The following AGPAT3 variants were observed in gnomAD, a reference collection of about 807,000 sequenced individuals.
AGPAT3 encodes 1-acylglycerol-3-phosphate O-acyltransferase 3, also known as 1-acyl-sn-glycerol-3-phosphate acyltransferase gamma.
A neutral mutation model predicts 47.3 loss-of-function variants in AGPAT3; 5 were observed. That is an observed-to-expected ratio of 0.11 (90% CI 0.06 to 0.22). The LOEUF is 0.22. AGPAT3 is among the 10% of genes least tolerant of loss of function. AGPAT3 has a pLI of 1.00. For synonymous variants in AGPAT3, 212 were observed against 208.3 expected, an observed-to-expected ratio of 1.02 and a Z score of -0.15; for missense variants, 315 against 493.0, an observed-to-expected ratio of 0.64 and a Z score of 3.42.
chr21:43,924,721 G>A, intron 2 of AGPAT3, among the ~76,000 whole-genome samples: 1 of 152,226 alleles, frequency 6.6e-6, no homozygotes, highest in East Asian at 1.9e-4. Context: ...ATTCCAGGCA[G>A]GAAGGTCGAG....
At chr21:43,927,816 A>T (rs1327091047) in intron 2 of AGPAT3, among the ~76,000 whole-genome samples, 1 of 152,110 alleles carries the variant, frequency 6.6e-6, no homozygotes, top group African/African-American at 2.4e-5. Context: ...TTCCATGAGG[A>T]GCAAATGTGT....
intron 2 of AGPAT3, among the ~76,000 whole-genome samples, chr21:43,915,475 G>C (rs867154561): frequency 2.3e-5 from 3 of 131,470 alleles, no homozygotes; most frequent in Non-Finnish European, 3.1e-5. Flanking sequence ...GCAGTGGTGC[G>C]ATCTCGGGTC....
chr21:43,866,725 T>A (rs1405617719), intron 1 of AGPAT3: 1 of 152,324 alleles, frequency 6.6e-6, no homozygotes, highest in Non-Finnish European at 1.5e-5. Flanking sequence ...GCCATTGACA[T>A]TCAGACAGAA....
chr21:43,888,143 C>A (rs987467942), intron 1 of AGPAT3, among the ~76,000 whole-genome samples: 1 of 152,172 alleles, frequency 6.6e-6, no homozygotes, highest in African/African-American at 2.4e-5. Flanking sequence ...CAGGCTCAAA[C>A]GATCCTTCCA....
In AGPAT3 at chr21:43,955,040, C is replaced by A; in HGVS notation, c.-48-4594C>A. 8.3e-7 allele frequency: 1 copy of A among 1,198,644 alleles called. No homozygotes were observed. Among genetic ancestry groups the A allele is most frequent in the Non-Finnish European group, 1.1e-6 (1 of 936,138 alleles). 74.3% of individuals were successfully genotyped at this position (1,198,644 alleles called of 1,614,324 possible). On this transcript the variant is annotated intron_variant, in intron 2 of 9. Coordinates refer to ENST00000291572, the MANE Select transcript of AGPAT3 (RefSeq NM_020132.5). The surrounding 1 kb of genome is among the most constrained non-coding windows in gnomAD (Gnocchi z 4.1). ...GAGGCTGGGACGTGAATGTGCATCA[C>A]GGCTCTATCTGTGGCCCCCAAAGGC...
intron 2 of AGPAT3, among the ~76,000 whole-genome samples, chr21:43,906,555 TGAG>T (rs1247839983): frequency 1.3e-5 from 2 of 151,928 alleles, no homozygotes; most frequent in African/African-American, 4.8e-5. Context: ...CCAGAGTTGA[TGAG>T]GAGGTGGGAT....
intron 1 of AGPAT3, among the ~76,000 whole-genome samples, chr21:43,892,455 T>C (rs2086123053): frequency 6.6e-6 from 1 of 152,194 alleles, no homozygotes; most frequent in Non-Finnish European, 1.5e-5. Flanking sequence ...CAATGAACAG[T>C]AATTTTTTGA....
intron 3 of AGPAT3, chr21:43,966,212 T>G (rs922094773): frequency 1.3e-5 from 2 of 152,182 alleles, no homozygotes; most frequent in African/African-American, 4.8e-5. Context: ...GATGGGACCA[T>G]TCTCCAGACA....
At chr21:43,898,027 A>T (rs1230930974) in intron 1 of AGPAT3, among the ~76,000 whole-genome samples, 1 of 152,166 alleles carries the variant, frequency 6.6e-6, no homozygotes, top group African/African-American at 2.4e-5. Flanking sequence ...GGCACTCAGC[A>T]GGCTGAGGCA....
At chr21:43,935,389 G>A (rs950820442) in intron 2 of AGPAT3, among the ~76,000 whole-genome samples, 11 of 152,250 alleles carry the variant, frequency 7.2e-5, no homozygotes, top group African/African-American at 2.4e-4. Context: ...GTCCCCAGCT[G>A]GGAGTGCCCC....
chr21:43,917,402 G>A (rs1024439346), intron 2 of AGPAT3, among the ~76,000 whole-genome samples: 1 of 152,130 alleles, frequency 6.6e-6, no homozygotes, highest in East Asian at 1.9e-4. Context: ...GCAGCTTTAC[G>A]CTCCCACTCC....
chr21:43,871,790 T>C (rs1219746797), intron 1 of AGPAT3, among the ~76,000 whole-genome samples: 1 of 152,238 alleles, frequency 6.6e-6, no homozygotes, highest in African/African-American at 2.4e-5. Flanking sequence ...TATTTCCTTA[T>C]AGATTCAGGA....
Position 43,948,649 on chromosome 21 carries a change from A to G in AGPAT3, c.-48-10985A>G, listed in dbSNP as rs141391765. Among the ~76,000 whole-genome samples, 103 of 152,352 alleles carry G rather than the reference A, an allele frequency of 6.8e-4. 1 individual carries two copies. In the East Asian group the frequency reaches 0.014, roughly 21 times the overall value. ...CGGAATTGGAGGAGTGGTTTTAGGT[A>G]TGTCATATAATTATGCCTTTAAATC... On this transcript the variant is annotated intron_variant, in intron 2 of 9. Coordinates refer to ENST00000291572, the MANE Select transcript of AGPAT3 (RefSeq NM_020132.5).
At position 43,986,828 on chromosome 21, in the gene AGPAT3, G is replaced by A. The variant is rs73226962; in HGVS notation, c.*4436G>A. Among the ~76,000 whole-genome samples, 13 of 152,306 alleles carry A rather than the reference G, an allele frequency of 8.5e-5. No individual in the cohort carries two copies. Among genetic ancestry groups the A allele is most frequent in the African/African-American group, 2.6e-4 (11 of 41,566 alleles). ...TATACAGGGTGCAAATGTATTATAC[G>A]GATGTTTCCTTTTGTACACTTCATT... On this transcript the variant is annotated 3_prime_UTR_variant, in exon 10 of 10. Transcript: ENST00000291572.
At position 43,933,372 on chromosome 21, in the gene AGPAT3, A is replaced by C. The variant is rs2087324595; in HGVS notation, c.-48-26262A>C. Among the ~76,000 whole-genome samples, 1 of 152,116 alleles carries C rather than the reference A, an allele frequency of 6.6e-6. No individual in the cohort carries two copies. The highest frequency in any genetic ancestry group is 1.5e-5 in the Non-Finnish European group (1 of 68,028). ...CCCTGTCGTTCCCTTTGTCATGCAGAAGCTGTTTAGTTTGCCGTAATCCCA... is the reference window on the plus strand; with the variant it reads ...CCCTGTCGTTCCCTTTGTCATGCAGCAGCTGTTTAGTTTGCCGTAATCCCA... On this transcript the variant is annotated intron_variant, in intron 2 of 9. Coordinates refer to ENST00000291572, the MANE Select transcript of AGPAT3 (RefSeq NM_020132.5). This position sits in a 1 kb window ranked among gnomAD's most constrained non-coding sequence, Gnocchi z 6.0.
At chr21:43,899,163 C>A (rs1240466997) in intron 1 of AGPAT3, among the ~76,000 whole-genome samples, 1 of 45,490 alleles carries the variant, frequency 2.2e-5, no homozygotes, top group Non-Finnish European at 3.5e-5. Context: ...TGGTGGCGAA[C>A]CCGCCCCTTG....
chr21:43,958,356 TGTG>T (rs1315461312), intron 2 of AGPAT3, among the ~76,000 whole-genome samples: 16 of 151,522 alleles, frequency 1.1e-4, no homozygotes, highest in African/African-American at 1.7e-4. Context: ...GTGGTACAAT[TGTG>T]TGTGTGTGGT....
At chr21:43,938,243 G>A (rs1398223590) in intron 2 of AGPAT3, among the ~76,000 whole-genome samples, 1 of 151,110 alleles carries the variant, frequency 6.6e-6, no homozygotes, top group African/African-American at 2.4e-5. Flanking sequence ...AGTTAACATC[G>A]CTCATTGGGA....
intron 1 of AGPAT3, among the ~76,000 whole-genome samples, chr21:43,865,806 G>T (rs1182476148): frequency 6.6e-6 from 1 of 152,024 alleles, no homozygotes; most frequent in Non-Finnish European, 1.5e-5. Context: ...CGCGCCCGCC[G>T]CCTGGTTTCG....
Sources: allele counts gnomAD v4.1 joint callset (sites outside exome capture counted in the v4.1 genomes callset), GRCh38; gene constraint gnomAD v4.1.1; non-coding constraint Gnocchi (gnomAD v3.1); transcripts MANE v1.5; gene names NCBI Gene and HGNC (gene_info 2026-07-23, HGNC 2026-07-21).